The following TRIM33 variants were observed in gnomAD, a reference collection of about 807,000 sequenced individuals.
TRIM33 encodes E3 ubiquitin-protein ligase TRIM33.
Under a neutral mutation model 125.4 loss-of-function variants are expected in TRIM33, and 20 were observed. That is an observed-to-expected ratio of 0.16 (90% CI 0.11 to 0.23). The LOEUF is 0.23. TRIM33 is among the 10% of genes least tolerant of loss of function. The pLI is 1.00. For missense variants in TRIM33, 920 were observed against 1,411.4 expected, an observed-to-expected ratio of 0.65 and a Z score of 5.58; for synonymous variants, 564 against 513.9, an observed-to-expected ratio of 1.10 and a Z score of -1.32.
At chr1:114,458,622 A>G (rs919116955) in intron 4 of TRIM33, among the ~76,000 whole-genome samples, 5 of 152,080 alleles carry the variant, frequency 3.3e-5, no homozygotes, top group Admixed American at 6.6e-5. Flanking sequence ...CCAAATTCTC[A>G]AGGAGTTGGA....
At chr1:114,500,331 T>C (rs183236998) in intron 1 of TRIM33, among the ~76,000 whole-genome samples, 48 of 152,280 alleles carry the variant, frequency 3.2e-4, no homozygotes, top group Non-Finnish European at 5.4e-4. Context: ...TGTTTTTCTG[T>C]TCTTTTTTAA....
intron 11 of TRIM33, among the ~76,000 whole-genome samples, chr1:114,418,365 C>T (rs1653065532): frequency 6.6e-6 from 1 of 152,216 alleles, no homozygotes; most frequent in South Asian, 2.1e-4. Context: ...ACTGCCTTTG[C>T]AAAAATTCTA....
chr1:114,509,087 CCTT>C (rs1359280860), intron 1 of TRIM33, among the ~76,000 whole-genome samples: 1 of 152,174 alleles, frequency 6.6e-6, no homozygotes, highest in Non-Finnish European at 1.5e-5. Flanking sequence ...TAACTGGTCT[CCTT>C]GTCTCCAGCC....
At chr1:114,487,636 G>A (rs1266930903) in intron 1 of TRIM33, among the ~76,000 whole-genome samples, 12 of 151,886 alleles carry the variant, frequency 7.9e-5, no homozygotes, top group African/African-American at 2.9e-4. Flanking sequence ...GGTGGCTCAC[G>A]CCTGTAATCC....
At chr1:114,424,899 C>T (rs1177891410) in intron 9 of TRIM33, 144 bp from the exon 10 acceptor site, 2 of 573,794 alleles carry the variant, frequency 3.5e-6, no homozygotes, top group African/African-American at 1.9e-5. Flanking sequence ...TAGCCCCAAT[C>T]CCCAGAGGAC....
intron 15 of TRIM33, chr1:114,404,207 T>G (rs1652091160): frequency 6.6e-6 from 1 of 152,152 alleles, no homozygotes; most frequent in East Asian, 1.9e-4. Flanking sequence ...CAATCTCGGC[T>G]CATGGCAACC....
chr1:114,459,733 G>A (rs749912024), intron 4 of TRIM33, among the ~76,000 whole-genome samples: 7 of 152,006 alleles, frequency 4.6e-5, no homozygotes, highest in Middle Eastern at 3.2e-3. Flanking sequence ...GTGAGATCCC[G>A]TCTCTTCAAA....
At chr1:114,505,557 GTTTT>G (rs1317094591) in intron 1 of TRIM33, among the ~76,000 whole-genome samples, 1 of 152,066 alleles carries the variant, frequency 6.6e-6, no homozygotes, top group African/African-American at 2.4e-5. Flanking sequence ...TTCATAGTAA[GTTTT>G]TTTGTTTCGT....
At chr1:114,405,958 T>C (rs1023622159) in intron 14 of TRIM33, among the ~76,000 whole-genome samples, 199 bp from the exon 15 acceptor site, 7 of 152,202 alleles carry the variant, frequency 4.6e-5, no homozygotes, top group African/African-American at 1.7e-4. Context: ...TTAAGGGGTC[T>C]GCTCCTCTGA....
chr1:114,410,115 T>G (rs1652486344), intron 12 of TRIM33, 69 bp downstream of exon 12: 2 of 1,559,798 alleles, frequency 1.3e-6, no homozygotes, highest in East Asian at 2.3e-5. Context: ...TGGAGAATTC[T>G]GACTAAGACA....
chr1:114,433,033 G>C (rs1056762876), intron 5 of TRIM33, among the ~76,000 whole-genome samples: 9 of 152,060 alleles, frequency 5.9e-5, no homozygotes, highest in Admixed American at 2.6e-4. Flanking sequence ...TCATAACTTT[G>C]TTAATCTGCT....
intron 1 of TRIM33, among the ~76,000 whole-genome samples, chr1:114,473,046 A>G (rs6537831): frequency 1 from 151,614 of 151,990 alleles, 75,619 homozygotes; most frequent in East Asian, 1. Flanking sequence ...CATGAGGTCA[A>G]GAGATAGAGA....
chr1:114,504,520 T>C (rs76533508), intron 1 of TRIM33, among the ~76,000 whole-genome samples: 153 of 152,234 alleles, frequency 1.0e-3, no homozygotes, highest in African/African-American at 3.6e-3. Flanking sequence ...GTCAGCGCAG[T>C]GAATAAGGAG....
Position 114,440,253 on chromosome 1 carries a change from C to T in TRIM33, c.924-6520G>A, listed in dbSNP as rs11800845. ...ATCTTGGTGGTTCAAAACTTCATTC[C>T]GGAAATTTAACTGTCGGAAACTGGT... is the stretch of plus-strand genomic sequence containing the variant. On this transcript the variant is annotated intron_variant, in intron 4 of 19. Coordinates refer to ENST00000358465, the MANE Select transcript of TRIM33 (RefSeq NM_015906.4). Among the ~76,000 whole-genome samples, 1,162 of 151,656 alleles carry T rather than the reference C, an allele frequency of 7.7e-3. 17 individuals carry two copies. Among genetic ancestry groups the T allele is most frequent in the African/African-American group, 0.027 (1,119 of 41,304 alleles).
intron 11 of TRIM33, among the ~76,000 whole-genome samples, chr1:114,413,296 C>T (rs1396738627): frequency 6.6e-6 from 1 of 152,076 alleles, no homozygotes; most frequent in African/African-American, 2.4e-5. Flanking sequence ...CAGTGGCTCA[C>T]GCCTGTAATC....
intron 1 of TRIM33, among the ~76,000 whole-genome samples, chr1:114,496,587 T>A (rs1245083277): frequency 2.0e-5 from 3 of 152,216 alleles, no homozygotes; most frequent in Non-Finnish European, 2.9e-5. Flanking sequence ...GGTATTTACA[T>A]AATGAAAGAA....
intron 4 of TRIM33, among the ~76,000 whole-genome samples, chr1:114,440,418 T>C (rs1239036451): frequency 6.6e-6 from 1 of 151,066 alleles, no homozygotes; most frequent in African/African-American, 2.4e-5. Context: ...ACTACATATA[T>C]AAGGAAAAAC....
chr1:114,510,552 T>C lies in TRIM33; in HGVS notation c.525A>G (p.Gln175=), dbSNP rs953943692. 9.4e-5 allele frequency: 140 copies of C among 1,485,932 alleles called. No homozygotes were observed. Among genetic ancestry groups the C allele is most frequent in the Non-Finnish European group, 1.2e-4 (136 of 1,120,496 alleles). The allele number at this position is 1,485,932 out of a possible 1,614,324, so 92.0% of individuals were successfully genotyped here. Residue 175 remains glutamine, a splice_region_variant and synonymous_variant, in exon 1 of 20, where the codon CAA becomes CAG. Transcript: ENST00000358465. ...IPGGSNGDIQ[Q]VGVIRCPVCR... ...TGCCAGGCAGGGCCTCCGGCTCACC[T>C]TGCTGGATGTCGCCGTTGCTGCCCC...
At chr1:114,424,286 G>A (rs1647404943) in intron 10 of TRIM33, among the ~76,000 whole-genome samples, 1 of 152,102 alleles carries the variant, frequency 6.6e-6, no homozygotes, top group Non-Finnish European at 1.5e-5. Context: ...TTTTATCATT[G>A]CTTTTTGTGA....
Sources: allele counts gnomAD v4.1 joint callset (sites outside exome capture counted in the v4.1 genomes callset), GRCh38; gene constraint gnomAD v4.1.1; transcripts MANE v1.5; gene names NCBI Gene and HGNC (gene_info 2026-07-23, HGNC 2026-07-21).